The following RANBP2 variants were observed in gnomAD, a reference collection of about 807,000 sequenced individuals.
RANBP2 encodes E3 SUMO-protein ligase RanBP2.
A neutral mutation model predicts 303.6 loss-of-function variants in RANBP2; 57 were observed. The ratio of observed to expected loss-of-function variants is 0.19; its 90% confidence interval spans 0.15 to 0.23. The LOEUF (loss-of-function observed/expected upper bound fraction) is 0.23. Ranked by LOEUF, RANBP2 falls within the 10% of genes least tolerant of loss-of-function variation. RANBP2 has a pLI of 1.00. For missense variants in RANBP2, 3,138 were observed against 3,780.8 expected, an observed-to-expected ratio of 0.83 and a Z score of 4.46; for synonymous variants, 1,167 against 1,301.5, an observed-to-expected ratio of 0.90 and a Z score of 2.23.
the RANBP2 span, among the ~76,000 whole-genome samples, chr2:108,934,111 G>A: frequency 4.0e-3 from 603 of 152,274 alleles, 2 homozygotes; most frequent in Non-Finnish European, 6.5e-3. Context: ...ATCGAAAGGC[G>A]CAATTAAAAC....
the RANBP2 span, among the ~76,000 whole-genome samples, chr2:109,423,945 T>C: frequency 6.6e-6 from 1 of 151,962 alleles, no homozygotes; most frequent in African/African-American, 2.4e-5. Context: ...GAGAATTTTA[T>C]TGAGAGAGTC....
chr2:109,230,852 A>G, the RANBP2 span, among the ~76,000 whole-genome samples: 2 of 152,174 alleles, frequency 1.3e-5, no homozygotes, highest in East Asian at 3.9e-4. Flanking sequence ...TAAATCCCCT[A>G]GGAGTTCACT....
the RANBP2 span, among the ~76,000 whole-genome samples, chr2:109,012,312 G>A: frequency 1.3e-5 from 2 of 152,120 alleles, no homozygotes; most frequent in African/African-American, 2.4e-5. Flanking sequence ...GAAAGGGTGG[G>A]GGGTCTCCAC....
At chr2:108,875,966 C>T in the RANBP2 span, 1 of 594,196 alleles carries the variant, frequency 1.7e-6, no homozygotes, top group East Asian at 2.9e-5. Context: ...TGCCTATTTT[C>T]TCCACTGTTT....
chr2:109,733,632 C>T, the RANBP2 span, among the ~76,000 whole-genome samples: 1 of 151,992 alleles, frequency 6.6e-6, no homozygotes, highest in Non-Finnish European at 1.5e-5. Flanking sequence ...GTGGTTGGAT[C>T]CTTTGAACTC....
chr2:108,910,718 C>T, the RANBP2 span: 1 of 1,589,238 alleles, frequency 6.3e-7, no homozygotes, highest in Non-Finnish European at 8.6e-7. Flanking sequence ...TCTGGGAACG[C>T]CCTCCACCCA....
the RANBP2 span, among the ~76,000 whole-genome samples, chr2:108,973,308 C>T: frequency 1.3e-5 from 2 of 152,108 alleles, no homozygotes; most frequent in African/African-American, 2.4e-5. Context: ...TGTATAGTGC[C>T]GCCTCCCTGC....
the RANBP2 span, among the ~76,000 whole-genome samples, chr2:108,819,740 C>T: frequency 6.6e-6 from 1 of 152,120 alleles, no homozygotes; most frequent in African/African-American, 2.4e-5. Context: ...TATTTGTTTT[C>T]TGTTTTTTCA....
chr2:108,914,009 C>T, the RANBP2 span, among the ~76,000 whole-genome samples: 1 of 149,642 alleles, frequency 6.7e-6, no homozygotes, highest in Admixed American at 6.7e-5. Context: ...GCCTATAATC[C>T]CAGCACTTTG....
At chr2:108,847,105 G>A in the RANBP2 span, among the ~76,000 whole-genome samples, 1 of 152,200 alleles carries the variant, frequency 6.6e-6, no homozygotes, top group Non-Finnish European at 1.5e-5. Context: ...AGAAATTGAA[G>A]TCTTTAGTTG....
chr2:109,557,180 T>A, the RANBP2 span, among the ~76,000 whole-genome samples: 13 of 151,902 alleles, frequency 8.6e-5, no homozygotes, highest in African/African-American at 1.7e-4. Flanking sequence ...TAAAAAAAAA[T>A]TTAAAAAAAA....
At chr2:109,155,218 GCAC>G in the RANBP2 span, among the ~76,000 whole-genome samples, 2 of 152,204 alleles carry the variant, frequency 1.3e-5, no homozygotes, top group Non-Finnish European at 2.9e-5. Flanking sequence ...TCATCCATGG[GCAC>G]CTTGCATCTA....
chr2:109,290,096 C>G, the RANBP2 span, among the ~76,000 whole-genome samples: 1 of 152,202 alleles, frequency 6.6e-6, no homozygotes, highest in Non-Finnish European at 1.5e-5. Context: ...GCCAATGCTG[C>G]TGGTCCGTGG....
At chr2:108,946,582 C>A in the RANBP2 span, among the ~76,000 whole-genome samples, 3 of 152,224 alleles carry the variant, frequency 2.0e-5, no homozygotes, top group African/African-American at 7.2e-5. Context: ...GTTTAATTGA[C>A]TCACAGTTCC....
chr2:108,774,864 G>A (rs985168983), intron 23 of RANBP2, among the ~76,000 whole-genome samples: 1 of 151,796 alleles, frequency 6.6e-6, no homozygotes, highest in Non-Finnish European at 1.5e-5. Context: ...GCTAATTTTT[G>A]TATTTTTAGT....
At chr2:108,831,587 A>G in the RANBP2 span, among the ~76,000 whole-genome samples, 170 of 152,272 alleles carry the variant, frequency 1.1e-3, 1 homozygote, top group South Asian at 2.3e-3. Context: ...TCTAAGAGAA[A>G]CTTGACTTTC....
chr2:109,273,428 C>T, the RANBP2 span, among the ~76,000 whole-genome samples: 2 of 152,170 alleles, frequency 1.3e-5, no homozygotes, highest in Non-Finnish European at 2.9e-5. Context: ...CCCATGCCTG[C>T]CCCCAGGAGG....
chr2:108,736,046 G>A lies in RANBP2; in HGVS notation c.637-58G>A. The stretch of plus-strand genomic sequence containing the variant: ...GAAAAGGAATTTGTAGGCTTAAAAT[G>A]ATTAATTTCTTAACATTTGATTAAG... On this transcript the variant is annotated intron_variant, in intron 5 of 28. Transcript: ENST00000283195. 5 of 1,611,488 alleles carry A rather than the reference G, an allele frequency of 3.1e-6. No homozygotes were observed. The Admixed American group carries it at 6.7e-5, about 21-fold the overall frequency.
At chr2:109,398,367 C>T in the RANBP2 span, among the ~76,000 whole-genome samples, 2 of 152,262 alleles carry the variant, frequency 1.3e-5, no homozygotes, top group African/African-American at 2.4e-5. Flanking sequence ...CTCTATGAGT[C>T]CCCTCTCTCC....
Sources: allele counts gnomAD v4.1 joint callset (sites outside exome capture counted in the v4.1 genomes callset), GRCh38; gene constraint gnomAD v4.1.1; transcripts MANE v1.5; gene names NCBI Gene and HGNC (gene_info 2026-07-23, HGNC 2026-07-21).